Variants in KHDRBS3 observed in about 807,000 individuals in gnomAD.
The protein encoded by KHDRBS3 is KH RNA binding domain containing, signal transduction associated 3.
Under a neutral mutation model 45.6 loss-of-function variants are expected in KHDRBS3, and 23 were observed. That is an observed-to-expected ratio of 0.50 (90% CI 0.36 to 0.72). The LOEUF (loss-of-function observed/expected upper bound fraction) is 0.72, where lower values mean the gene tolerates loss of function less well. Among genes scored for constraint, KHDRBS3 ranks in the 30% least tolerant of loss-of-function variants. KHDRBS3 has a pLI of 0.00. For missense variants in KHDRBS3, 352 were observed against 424.8 expected (o/e 0.83, Z 1.51); for synonymous variants, 162 against 156.5 (o/e 1.04, Z -0.26).
At chr8:135,635,310 GC>G (rs1195007865) in intron 7 of KHDRBS3, among the ~76,000 whole-genome samples, 2 of 152,214 alleles carry the variant, frequency 1.3e-5, no homozygotes, top group African/African-American at 4.8e-5. Flanking sequence ...GGGGAAAGCA[GC>G]CCTTTCAAAT....
At chr8:135,470,180 A>G (rs1306257245) in intron 1 of KHDRBS3, among the ~76,000 whole-genome samples, 1 of 152,150 alleles carries the variant, frequency 6.6e-6, no homozygotes, top group Non-Finnish European at 1.5e-5. Flanking sequence ...TCACAAAACA[A>G]TCCTTGGATC....
chr8:135,601,285 C>T (rs888000793), intron 6 of KHDRBS3, among the ~76,000 whole-genome samples: 3 of 152,150 alleles, frequency 2.0e-5, no homozygotes, highest in African/African-American at 7.2e-5. Flanking sequence ...AGACACAATC[C>T]ATATTCAGAA....
chr8:135,585,562 T>C (rs1476160282), intron 6 of KHDRBS3, among the ~76,000 whole-genome samples: 1 of 151,966 alleles, frequency 6.6e-6, no homozygotes, highest in African/African-American at 2.4e-5. Context: ...AAATATTTAC[T>C]GAATGAATGA....
intron 7 of KHDRBS3, among the ~76,000 whole-genome samples, chr8:135,613,584 C>T (rs552508790): frequency 6.6e-6 from 1 of 151,720 alleles, no homozygotes; most frequent in East Asian, 1.9e-4. Flanking sequence ...CCTTCTGCAG[C>T]TCTAAATTCC....
chr8:135,632,845 C>T (rs1378849140), intron 7 of KHDRBS3, among the ~76,000 whole-genome samples: 1 of 152,118 alleles, frequency 6.6e-6, no homozygotes, highest in Non-Finnish European at 1.5e-5. Context: ...TCCTTTCTAG[C>T]CTTCAGCTGT....
At chr8:135,543,866 G>A (rs1826161912) in intron 3 of KHDRBS3, among the ~76,000 whole-genome samples, 1 of 152,024 alleles carries the variant, frequency 6.6e-6, no homozygotes, top group Admixed American at 6.6e-5. Flanking sequence ...GATTTGTGTG[G>A]GATACTGTTT....
At chr8:135,617,112 T>C (rs1262827415) in intron 7 of KHDRBS3, among the ~76,000 whole-genome samples, 3 of 152,114 alleles carry the variant, frequency 2.0e-5, no homozygotes, top group African/African-American at 7.2e-5. Context: ...CTGTTTGACT[T>C]ACAACATTGT....
chr8:135,621,665 A>C (rs563196700), intron 7 of KHDRBS3, among the ~76,000 whole-genome samples: 1 of 150,598 alleles, frequency 6.6e-6, no homozygotes, highest in Non-Finnish European at 1.5e-5. Flanking sequence ...TGACCATTCT[A>C]CCAGGCAAAC....
chr8:135,620,228 G>A (rs1830081626), intron 7 of KHDRBS3, among the ~76,000 whole-genome samples: 1 of 152,002 alleles, frequency 6.6e-6, no homozygotes, highest in Admixed American at 6.6e-5. Context: ...ACGAGACGGT[G>A]CCACTGTCAC....
intron 1 of KHDRBS3, among the ~76,000 whole-genome samples, chr8:135,489,943 TTC>T (rs1334201360): frequency 6.6e-6 from 1 of 152,040 alleles, no homozygotes; most frequent in Non-Finnish European, 1.5e-5. Context: ...TATACAGGTG[TTC>T]TGTTTTTTAT....
chr8:135,654,289 C>T (rs1247105562), intron 4 of KHDRBS3, among the ~76,000 whole-genome samples: 1 of 152,094 alleles, frequency 6.6e-6, no homozygotes, highest in African/African-American at 2.4e-5. Context: ...ACATTAAAGG[C>T]AATGCAAGAA....
intron 7 of KHDRBS3, among the ~76,000 whole-genome samples, chr8:135,624,547 A>G (rs546650418): frequency 3.9e-4 from 60 of 152,342 alleles, no homozygotes; most frequent in Non-Finnish European, 2.6e-4. Flanking sequence ...TATCCAGGCA[A>G]TGATGCCGCT....
rs376251830 is a variant in KHDRBS3 at position 135,521,402 on chromosome 8, G to C, written c.207+47G>C. On this transcript the variant is annotated intron_variant, in intron 2 of 8. Transcript: ENST00000355849. ...TGCAGGTATTTTAACCTGAATCAAA[G>C]GGGAGCAGATGTTTAATTTATATTC... 4.9e-6 allele frequency: 5 copies of C among 1,023,010 alleles called. No individual in the cohort carries two copies. The African/African-American group carries it at 8.1e-5, about 16-fold the overall frequency. 63.4% of individuals were successfully genotyped at this position (1,023,010 alleles called of 1,614,324 possible).
At chr8:135,582,703 A>T (rs1011944475) in intron 6 of KHDRBS3, among the ~76,000 whole-genome samples, 2 of 152,234 alleles carry the variant, frequency 1.3e-5, no homozygotes, top group African/African-American at 4.8e-5. Flanking sequence ...AGCAATGGAT[A>T]GGTGATTCAT....
At chr8:135,590,446 A>G (rs898078964) in intron 6 of KHDRBS3, among the ~76,000 whole-genome samples, 7 of 152,166 alleles carry the variant, frequency 4.6e-5, no homozygotes, top group Non-Finnish European at 1.0e-4. Flanking sequence ...AATAGTGGTG[A>G]TGATACATAG....
At chr8:135,529,333 T>A (rs966145703) in intron 2 of KHDRBS3, among the ~76,000 whole-genome samples, 2 of 152,142 alleles carry the variant, frequency 1.3e-5, no homozygotes, top group African/African-American at 4.8e-5. Context: ...CCCCTGTCTG[T>A]GAGAATTGGG....
chr8:135,537,128 T>TA (rs1354543240), intron 2 of KHDRBS3, among the ~76,000 whole-genome samples: 1 of 152,108 alleles, frequency 6.6e-6, no homozygotes, highest in Non-Finnish European at 1.5e-5. Flanking sequence ...CCTCGTGCAG[T>TA]AGGTGGCAGG....
chr8:135,529,252 G>A (rs1270856953), intron 2 of KHDRBS3, among the ~76,000 whole-genome samples: 1 of 152,208 alleles, frequency 6.6e-6, no homozygotes, highest in African/African-American at 2.4e-5. Flanking sequence ...AGCGGCAGCA[G>A]GAGGAGTAAA....
rs193194042 is a variant in KHDRBS3 at position 135,625,358 on chromosome 8, A to C, written c.890+18321A>C. The C allele has an allele frequency of 1.4e-3, 1,295 of 928,624 alleles. 10 individuals are homozygous for C. The highest frequency in any genetic ancestry group is 5.9e-3 in the Middle Eastern group (27 of 4,588). The allele number at this position is 928,624 out of a possible 1,614,324, so 57.5% of individuals were successfully genotyped here. A position where few individuals can be genotyped will look rare whatever the true frequency, so the allele number is the denominator to read the frequency against. ...GAAGTAGAAATCCCTCTCTTTCTCCAAGTCTTCAACGGTAAGTTTCAATAC... is the reference window on the plus strand; with the variant it reads ...GAAGTAGAAATCCCTCTCTTTCTCCCAGTCTTCAACGGTAAGTTTCAATAC... On this transcript the variant is annotated intron_variant, in intron 7 of 8. Transcript: ENST00000355849.
Sources: gnomAD v4.1 joint callset for allele counts (sites outside exome capture counted in the v4.1 genomes callset) on GRCh38, gnomAD v4.1.1 for gene constraint, MANE v1.5 for transcripts, NCBI Gene and HGNC (gene_info 2026-07-23, HGNC 2026-07-21) for gene names.